STRBP: variants seen among roughly 807,000 people sequenced by gnomAD.
STRBP encodes spermatid perinuclear RNA-binding protein.
Under a neutral mutation model 80.1 loss-of-function variants are expected in STRBP, and 13 were observed. That is an observed-to-expected ratio of 0.16 (90% CI 0.11 to 0.26). The LOEUF is 0.26. Ranked by LOEUF, STRBP falls within the 10% of genes least tolerant of loss-of-function variation. The pLI is 1.00. For synonymous variants in STRBP, 284 were observed against 291.2 expected (o/e 0.98, Z 0.25); for missense variants, 485 against 815.2 (o/e 0.59, Z 4.93).
intron 2 of STRBP, among the ~76,000 whole-genome samples, chr9:123,214,264 A>C (rs2039818779): frequency 1.3e-5 from 2 of 152,064 alleles, no homozygotes; most frequent in African/African-American, 4.8e-5. Flanking sequence ...CATTATTCTA[A>C]GTGAAGTAAC....
chr9:123,160,488 T>C, intron 7 of STRBP, 26 bp from the exon 8 acceptor site: 1 of 1,563,746 alleles, frequency 6.4e-7, no homozygotes. Context: ...TGATTCCAGA[T>C]ATCCCTATTG....
At chr9:123,155,131 G>A (rs941112379) in intron 11 of STRBP, among the ~76,000 whole-genome samples, 3 of 152,200 alleles carry the variant, frequency 2.0e-5, no homozygotes, top group African/African-American at 7.2e-5. Context: ...GCAAAGACAC[G>A]AGTTGATGCA....
Position 123,122,205 on chromosome 9 carries a change from A to G in STRBP, c.*3392T>C. On this transcript the variant is annotated 3_prime_UTR_variant, in exon 19 of 19. Coordinates refer to ENST00000348403, the MANE Select transcript of STRBP (RefSeq NM_018387.5). ...TAAAAGAGCTTACCTTTGTATACTG[A>G]GATCACAGCTTACAGTCACTATATC... 1 of 701,126 alleles carries G rather than the reference A, an allele frequency of 1.4e-6. No homozygotes were observed. The highest frequency in any genetic ancestry group is 1.9e-5 in the African/African-American group (1 of 53,254). 43.4% of individuals were successfully genotyped at this position (701,126 alleles called of 1,614,324 possible). A position where few individuals can be genotyped will look rare whatever the true frequency, so the allele number is the denominator to read the frequency against.
At chr9:123,187,357 G>A (rs2038740077) in intron 2 of STRBP, among the ~76,000 whole-genome samples, 1 of 151,648 alleles carries the variant, frequency 6.6e-6, no homozygotes, top group African/African-American at 2.4e-5. Context: ...ATCTGAGCCA[G>A]AGTTTTCTCA....
intron 2 of STRBP, among the ~76,000 whole-genome samples, chr9:123,204,150 C>T (rs919963627): frequency 6.6e-6 from 1 of 152,146 alleles, no homozygotes; most frequent in East Asian, 1.9e-4. Flanking sequence ...GAAACACAAA[C>T]GAATTTCTCA....
Position 123,159,019 on chromosome 9 carries a change from A to G in STRBP, c.835+77T>C, listed in dbSNP as rs2037410239. On this transcript the variant is annotated intron_variant, in intron 9 of 18. Coordinates refer to ENST00000348403, the MANE Select transcript of STRBP (RefSeq NM_018387.5). ...GCATCATTTTCCTGTGTAGAGAACAAACTTAGCATATATTTAGAAAAATAA... is the reference window on the plus strand; with the variant it reads ...GCATCATTTTCCTGTGTAGAGAACAGACTTAGCATATATTTAGAAAAATAA... 2.4e-5 allele frequency: 29 copies of G among 1,217,992 alleles called. 2 individuals are homozygous for G. The South Asian group carries it at 3.5e-4, about 15-fold the overall frequency. The allele number at this position is 1,217,992 out of a possible 1,614,324, so 75.4% of individuals were successfully genotyped here.
At chr9:123,177,925 A>G (rs2038291216) in intron 4 of STRBP, among the ~76,000 whole-genome samples, 1 of 152,202 alleles carries the variant, frequency 6.6e-6, no homozygotes, top group South Asian at 2.1e-4. Flanking sequence ...ATTAGATAAC[A>G]TTACTAATGA....
chr9:123,261,619 C>T (rs2041162935), intron 1 of STRBP, among the ~76,000 whole-genome samples: 1 of 152,178 alleles, frequency 6.6e-6, no homozygotes, highest in Non-Finnish European at 1.5e-5. Flanking sequence ...ACAGTTAGTA[C>T]TTATTTTTAA....
At chr9:123,261,745 C>T (rs1251702336) in intron 1 of STRBP, among the ~76,000 whole-genome samples, 2 of 152,164 alleles carry the variant, frequency 1.3e-5, no homozygotes, top group African/African-American at 4.8e-5. Context: ...ATATTCACAC[C>T]AAAGTCTTGA....
At chr9:123,190,764 T>C (rs986623636) in intron 2 of STRBP, among the ~76,000 whole-genome samples, 1 of 152,242 alleles carries the variant, frequency 6.6e-6, no homozygotes. Context: ...GAATATTTAC[T>C]GTCAGTGAGC....
intron 2 of STRBP, among the ~76,000 whole-genome samples, chr9:123,207,191 C>T (rs1217716596): frequency 6.6e-6 from 1 of 152,166 alleles, no homozygotes; most frequent in African/African-American, 2.4e-5. Context: ...TTTACAGCAC[C>T]TAGAGTAACT....
chr9:123,114,279 A>G (rs2035610946), intron 3 of STRBP: 1 of 167,092 alleles, frequency 6.0e-6, no homozygotes, highest in Admixed American at 6.5e-5. Context: ...CAAAACTGAC[A>G]CCCAAAACCA....
chr9:123,194,544 A>G (rs2039031023), intron 2 of STRBP, among the ~76,000 whole-genome samples: 1 of 152,188 alleles, frequency 6.6e-6, no homozygotes, highest in Non-Finnish European at 1.5e-5. Context: ...GCTTTGCTAC[A>G]GCTACTAGCC....
Position 123,122,140 on chromosome 9 carries a change from ATGT to A in STRBP, c.*3454_*3456del, listed in dbSNP as rs1179362848. Reference sequence around the variant, plus strand: ...CATCATATATGATTGTCATATATGCATGTTGTCTTAATTGACTATTTTTCTCTT... The same window carrying A: ...CATCATATATGATTGTCATATATGCATGTCTTAATTGACTATTTTTCTCTT... On this transcript the variant is annotated 3_prime_UTR_variant, in exon 19 of 19. Coordinates refer to ENST00000348403, the MANE Select transcript of STRBP (RefSeq NM_018387.5). The A allele has an allele frequency of 6.8e-6, 2 of 293,850 alleles. No homozygotes were observed. Among genetic ancestry groups the A allele is most frequent in the Non-Finnish European group, 1.3e-5 (2 of 156,360 alleles). The allele number at this position is 293,850 out of a possible 1,614,324, so 18.2% of individuals were successfully genotyped here.
At chr9:123,178,648 T>C (rs1335791438) in intron 4 of STRBP, among the ~76,000 whole-genome samples, 1 of 152,222 alleles carries the variant, frequency 6.6e-6, no homozygotes, top group Non-Finnish European at 1.5e-5. Flanking sequence ...AAAATGGTAT[T>C]TTATGATCTC....
intron 2 of STRBP, among the ~76,000 whole-genome samples, chr9:123,201,067 T>C (rs1221091427): frequency 1.3e-5 from 2 of 152,180 alleles, no homozygotes; most frequent in Admixed American, 1.3e-4. Context: ...ATTTCTGTGG[T>C]GTCAAGTGCA....
At chr9:123,119,702 C>T (rs563817710), downstream of STRBP, among the ~76,000 whole-genome samples, 2 of 152,280 alleles carry the variant, frequency 1.3e-5, no homozygotes, top group African/African-American at 4.8e-5. Context: ...TCATCCTCAC[C>T]TCGGCCAACC....
intron 3 of STRBP, among the ~76,000 whole-genome samples, chr9:123,182,506 G>A (rs1043528505): frequency 6.6e-6 from 1 of 152,186 alleles, no homozygotes; most frequent in Middle Eastern, 3.2e-3. Context: ...TGAGCGGAAT[G>A]AGAGGTAAAT....
rs773981720 is a variant in STRBP, at chr9:123,184,146, G to A, written c.-12C>T. On this transcript the variant is annotated 5_prime_UTR_variant, in exon 3 of 19. Coordinates refer to ENST00000348403, the MANE Select transcript of STRBP (RefSeq NM_018387.5). ...CAATAACCTACCATGGTTTTCTATA[G>A]TATTTTAGCTTCTTTTTCCGATCCT... is the stretch of plus-strand genomic sequence containing the variant. 4 of 1,608,306 alleles carry A rather than the reference G, an allele frequency of 2.5e-6. No homozygotes were observed. Among genetic ancestry groups the A allele is most frequent in the Admixed American group, 1.7e-5 (1 of 59,470 alleles).
Sources: allele counts gnomAD v4.1 joint callset (sites outside exome capture counted in the v4.1 genomes callset), GRCh38; gene constraint gnomAD v4.1.1; transcripts MANE v1.5; gene names NCBI Gene and HGNC (gene_info 2026-07-23, HGNC 2026-07-21).